The following EYS variants were observed in gnomAD, a reference collection of about 807,000 sequenced individuals.
EYS encodes protein eyes shut homolog.
Under a neutral mutation model 282.1 loss-of-function variants are expected in EYS, and 250 were observed. The observed-to-expected ratio is 0.89, with a 90% confidence interval of 0.80 to 0.98. The LOEUF (loss-of-function observed/expected upper bound fraction) is 0.98, where lower values mean the gene tolerates loss of function less well. EYS is among the 50% of genes least tolerant of loss of function. The probability of loss-of-function intolerance (pLI) is 0.00; values close to 1 mark genes in which losing one functional copy is unlikely to be tolerated. For missense variants in EYS, 4,016 were observed against 3,709.0 expected (o/e 1.08, Z -2.15); for synonymous variants, 1,355 against 1,282.9 (o/e 1.06, Z -1.20).
intron 29 of EYS, among the ~76,000 whole-genome samples, chr6:64,327,688 A>G (rs1770480289): frequency 6.6e-6 from 1 of 152,162 alleles, no homozygotes; most frequent in South Asian, 2.1e-4. Context: ...ACCAGGAACC[A>G]TAGAAAGAGA....
Position 65,490,695 on chromosome 6 carries a change from G to A in EYS, c.761C>T (p.Ser254Leu), listed in dbSNP as rs1287245341. The change falls in exon 5 of 43, where the codon TCA (serine) becomes TTA (leucine). Residue 254 changes from serine (S) to leucine (L), a missense_variant. Transcript: ENST00000503581. ...CHPPFTGKNC[S>L]EIIGQCQPHV... ...TGGTTGACACTGGCCAATTATTTCT[G>A]AGCAATTCTTTCCTATAACAATGAA... The A allele has an allele frequency of 2.5e-6, 4 of 1,609,604 alleles. No homozygotes were observed. Among genetic ancestry groups the A allele is most frequent in the Non-Finnish European group, 2.5e-6 (3 of 1,176,606 alleles).
chr6:65,013,017 A>G (rs1037287113), intron 13 of EYS, among the ~76,000 whole-genome samples: 3 of 152,162 alleles, frequency 2.0e-5, no homozygotes, highest in Admixed American at 2.0e-4. Flanking sequence ...ATACTATTTT[A>G]TCATAATCAA....
intron 4 of EYS, among the ~76,000 whole-genome samples, chr6:65,491,017 A>G (rs1435801611): frequency 6.6e-6 from 1 of 152,078 alleles, no homozygotes; most frequent in Non-Finnish European, 1.5e-5. Flanking sequence ...ATATTCATAT[A>G]TTTAAGTACC....
intron 19 of EYS, among the ~76,000 whole-genome samples, chr6:64,877,739 G>T (rs1320585289): frequency 6.6e-6 from 1 of 152,130 alleles, no homozygotes; most frequent in Non-Finnish European, 1.5e-5. Flanking sequence ...TGAGGAAATG[G>T]ATATTCAATA....
At chr6:64,662,131 G>A (rs906594896) in intron 22 of EYS, among the ~76,000 whole-genome samples, 3 of 149,896 alleles carry the variant, frequency 2.0e-5, no homozygotes, top group African/African-American at 4.9e-5. Flanking sequence ...ACTATCACAA[G>A]GACAAAAAAC....
At chr6:65,622,726 A>C (rs575953991) in intron 2 of EYS, among the ~76,000 whole-genome samples, 5 of 151,516 alleles carry the variant, frequency 3.3e-5, no homozygotes, top group Non-Finnish European at 7.4e-5. Flanking sequence ...TTTTTAATGA[A>C]TATCTCTTAC....
At chr6:64,588,524 C>T (rs547876847) in intron 26 of EYS, among the ~76,000 whole-genome samples, 1 of 152,140 alleles carries the variant, frequency 6.6e-6, no homozygotes, top group South Asian at 2.1e-4. Flanking sequence ...ATTGGATTAC[C>T]TGTGTCCTAC....
At chr6:64,260,189 C>T (rs1477237520) in intron 30 of EYS, among the ~76,000 whole-genome samples, 2 of 151,978 alleles carry the variant, frequency 1.3e-5, no homozygotes, top group Non-Finnish European at 2.9e-5. Flanking sequence ...TGCAATGCAG[C>T]TAGGATTGCT....
At chr6:63,851,083 A>G (rs1772235349) in intron 36 of EYS, among the ~76,000 whole-genome samples, 1 of 152,268 alleles carries the variant, frequency 6.6e-6, no homozygotes, top group Non-Finnish European at 1.5e-5. Flanking sequence ...AAAGAAGGGC[A>G]TTACATAATG....
chr6:64,252,263 C>G (rs1251842013), intron 30 of EYS, among the ~76,000 whole-genome samples: 4 of 152,064 alleles, frequency 2.6e-5, no homozygotes, highest in African/African-American at 9.7e-5. Flanking sequence ...TCATTGATGC[C>G]TTCCTATATA....
intron 31 of EYS, among the ~76,000 whole-genome samples, chr6:64,202,758 A>G (rs1765502855): frequency 6.6e-6 from 1 of 152,164 alleles, no homozygotes; most frequent in Non-Finnish European, 1.5e-5. Context: ...TTTGAAGAGG[A>G]AAGAGAAGGG....
chr6:64,456,651 A>C (rs1775566781), intron 26 of EYS, among the ~76,000 whole-genome samples: 1 of 152,030 alleles, frequency 6.6e-6, no homozygotes, highest in African/African-American at 2.4e-5. Flanking sequence ...TGCAACAAAA[A>C]TTTCATTTAT....
intron 5 of EYS, among the ~76,000 whole-genome samples, chr6:65,422,015 CA>C (rs1767484837): frequency 6.6e-6 from 1 of 151,836 alleles, no homozygotes; most frequent in African/African-American, 2.4e-5. Flanking sequence ...ACAAAGTGAG[CA>C]CATGGTGTTA....
chr6:65,288,173 T>G (rs1768422777), intron 12 of EYS, among the ~76,000 whole-genome samples: 1 of 151,098 alleles, frequency 6.6e-6, no homozygotes, highest in Non-Finnish European at 1.5e-5. Flanking sequence ...TTTCAGAATG[T>G]AAGGAGTATA....
intron 29 of EYS, among the ~76,000 whole-genome samples, chr6:64,366,897 G>A (rs929246914): frequency 6.6e-6 from 1 of 152,056 alleles, no homozygotes; most frequent in Non-Finnish European, 1.5e-5. Context: ...TTATGACAAA[G>A]TTTAGAAGGA....
At chr6:64,253,836 C>T (rs942286091) in intron 30 of EYS, among the ~76,000 whole-genome samples, 1 of 148,656 alleles carries the variant, frequency 6.7e-6, no homozygotes, top group African/African-American at 2.5e-5. Flanking sequence ...TTCTTCCCCC[C>T]AAAAGACTGT....
intron 37 of EYS, chr6:63,797,242 T>C (rs949277853): frequency 3.3e-5 from 5 of 152,176 alleles, no homozygotes; most frequent in Non-Finnish European, 7.4e-5. Flanking sequence ...TGAAATTAGA[T>C]ATGAATGAAA....
chr6:63,823,992 T>TA (rs773782809), intron 36 of EYS, among the ~76,000 whole-genome samples: 12 of 152,206 alleles, frequency 7.9e-5, no homozygotes, highest in Non-Finnish European at 1.6e-4. Context: ...TACTCCAATT[T>TA]CTATAACTCA....
At chr6:63,777,720 A>G in intron 40 of EYS, 3 of 275,512 alleles carry the variant, frequency 1.1e-5, no homozygotes, top group South Asian at 1.2e-4. Context: ...ATTTCTGTCT[A>G]CTCTCTCAAT....
Sources: allele counts gnomAD v4.1 joint callset (sites outside exome capture counted in the v4.1 genomes callset), GRCh38; gene constraint gnomAD v4.1.1; transcripts MANE v1.5; gene names NCBI Gene and HGNC (gene_info 2026-07-23, HGNC 2026-07-21).